The following LUZP2 variants were observed in gnomAD, a reference collection of about 807,000 sequenced individuals.
LUZP2 encodes the protein leucine zipper protein 2.
A neutral mutation model predicts 51.6 loss-of-function variants in LUZP2; 52 were observed. The ratio of observed to expected loss-of-function variants is 1.01; its 90% CI spans 0.81 to 1.27. The LOEUF is 1.27. LUZP2 is among the 50% of genes most tolerant of loss of function. The pLI is 0.00. For synonymous variants in LUZP2, 154 were observed against 137.3 expected (o/e 1.12, Z -0.85); for missense variants, 436 against 395.4 (o/e 1.10, Z -0.87).
intron 7 of LUZP2, among the ~76,000 whole-genome samples, chr11:24,936,309 G>T (rs1275045389): frequency 1.3e-5 from 2 of 152,090 alleles, no homozygotes; most frequent in Non-Finnish European, 2.9e-5. Context: ...TTAAAGAAAA[G>T]ATTTATGGTA....
At chr11:24,533,136 T>C (rs1341882776) in intron 1 of LUZP2, among the ~76,000 whole-genome samples, 1 of 151,244 alleles carries the variant, frequency 6.6e-6, no homozygotes, top group Non-Finnish European at 1.5e-5. Context: ...CTCAATGATT[T>C]TCTCCTGTCT....
At chr11:24,740,517 G>T (rs1295608064) in intron 4 of LUZP2, among the ~76,000 whole-genome samples, 2 of 152,062 alleles carry the variant, frequency 1.3e-5, no homozygotes, top group Non-Finnish European at 1.5e-5. Context: ...CTTAATATGT[G>T]CTTCAGAGTA....
Position 24,928,606 on chromosome 11 carries a change from T to G in LUZP2, c.522+14068T>G, listed in dbSNP as rs142006408. ...AGTTTGTCATGGTGGATTATCTTTT[T>G]GAAATACTGTTGGATTTTGTTAGCT... On this transcript the variant is annotated intron_variant, in intron 7 of 11. Coordinates refer to ENST00000336930, the MANE Select transcript of LUZP2 (RefSeq NM_001009909.4). 4.6e-5 allele frequency among the ~76,000 whole-genome samples: 7 copies of G among 152,264 alleles called. No individual in the cohort carries two copies. The East Asian group carries it at 1.4e-3, about 29-fold the overall frequency.
intron 1 of LUZP2, among the ~76,000 whole-genome samples, chr11:24,497,721 T>C (rs965518302): frequency 3.3e-5 from 5 of 152,290 alleles, no homozygotes; most frequent in Non-Finnish European, 7.4e-5. Flanking sequence ...TTCCCCCAAG[T>C]GTGCCTGATT....
intron 5 of LUZP2, among the ~76,000 whole-genome samples, chr11:24,805,302 G>T (rs936424176): frequency 3.5e-4 from 53 of 152,042 alleles, no homozygotes; most frequent in Non-Finnish European, 1.0e-4. Flanking sequence ...CCAGCCCCAT[G>T]ATTCAATTAC....
chr11:24,764,003 C>G (rs1344158246), intron 5 of LUZP2, among the ~76,000 whole-genome samples: 1 of 152,138 alleles, frequency 6.6e-6, no homozygotes, highest in Admixed American at 6.6e-5. Flanking sequence ...AAAATATCAA[C>G]ATACCAGAGT....
chr11:24,660,063 T>A (rs999993944), intron 1 of LUZP2, among the ~76,000 whole-genome samples: 1 of 151,820 alleles, frequency 6.6e-6, no homozygotes, highest in Non-Finnish European at 1.5e-5. Context: ...GTTCAGAGAG[T>A]GGAAGCAGCA....
chr11:24,900,337 A>G lies in LUZP2; in HGVS notation c.397-5654A>G, dbSNP rs112555545. Among the ~76,000 whole-genome samples the G allele has an allele frequency of 5.2e-3, 790 of 152,156 alleles. 11 individuals are homozygous for G. The highest frequency in any genetic ancestry group is 0.027 in the Middle Eastern group (8 of 294). On this transcript the variant is annotated intron_variant, in intron 5 of 11. Transcript: ENST00000336930. ...AATATCTTAGTGGTTAAGTCTTTCC[A>G]TTCTGGCTTGTTGGAAATTGAATGT...
At chr11:24,617,421 T>A (rs193006722) in intron 1 of LUZP2, among the ~76,000 whole-genome samples, 186 of 152,364 alleles carry the variant, frequency 1.2e-3, no homozygotes, top group Non-Finnish European at 1.5e-3. Flanking sequence ...TTAAAATCTT[T>A]GTGAGATATT....
intron 7 of LUZP2, among the ~76,000 whole-genome samples, chr11:24,959,026 G>A (rs1311468131): frequency 2.0e-5 from 3 of 152,050 alleles, no homozygotes; most frequent in African/African-American, 7.2e-5. Context: ...TTTCCCCATT[G>A]CTTGTTTTTC....
Position 24,914,538 on chromosome 11 carries a change from G to A in LUZP2, c.522G>A (p.Lys174=), listed in dbSNP as rs1156720276. 6.2e-7 allele frequency: 1 copy of A among 1,600,222 alleles called. No individual in the cohort carries two copies. Among genetic ancestry groups the A allele is most frequent in the Non-Finnish European group, 8.5e-7 (1 of 1,174,292 alleles). Residue 174 remains lysine, a splice_region_variant and synonymous_variant, in exon 7 of 12, where the codon AAG becomes AAA. Transcript: ENST00000336930. ...ATGGGAAGAAGGATTTATTATTTAA[G>A]GTGAGTCTCTTTTCTCTCTTTTCCC... is the stretch of plus-strand genomic sequence containing the variant. The part of the protein sequence containing the change: ...LRYGKKDLLF[K]AQQLTDLEQK...
chr11:24,653,606 C>A (rs1479806254), intron 1 of LUZP2, among the ~76,000 whole-genome samples: 1 of 152,102 alleles, frequency 6.6e-6, no homozygotes, highest in Non-Finnish European at 1.5e-5. Context: ...TTGAGATAGT[C>A]TAGAGCATAA....
At chr11:24,615,849 T>G (rs1389258782) in intron 1 of LUZP2, among the ~76,000 whole-genome samples, 1 of 151,016 alleles carries the variant, frequency 6.6e-6, no homozygotes. Context: ...ATATATAATA[T>G]TTCAGTCATT....
rs113874130 is a variant in LUZP2 at position 24,713,090 on chromosome 11, C to T, written c.63-16079C>T. 4.5e-3 allele frequency among the ~76,000 whole-genome samples: 687 copies of T among 152,226 alleles called. 5 individuals are homozygous for T. Among genetic ancestry groups the T allele is most frequent in the African/African-American group, 0.016 (659 of 41,524 alleles). ...GTCTCTGGGAGATTCTCTTAGTTTG[C>T]ATTAGCAGACCTTGAAAGAAAAATA... On this transcript the variant is annotated intron_variant, in intron 1 of 11. Coordinates refer to ENST00000336930, the MANE Select transcript of LUZP2 (RefSeq NM_001009909.4).
intron 5 of LUZP2, among the ~76,000 whole-genome samples, chr11:24,863,137 G>T (rs1456990361): frequency 6.6e-6 from 1 of 152,120 alleles, no homozygotes; most frequent in Admixed American, 6.6e-5. Flanking sequence ...TTGGAGAATA[G>T]TTCCTCTGTT....
At chr11:24,793,850 T>C (rs903378876) in intron 5 of LUZP2, among the ~76,000 whole-genome samples, 2 of 152,168 alleles carry the variant, frequency 1.3e-5, no homozygotes, top group Non-Finnish European at 2.9e-5. Context: ...AGTGGTTTTA[T>C]CTTTTTCAAA....
chr11:24,682,045 A>T (rs1856752240), intron 1 of LUZP2, among the ~76,000 whole-genome samples: 1 of 152,238 alleles, frequency 6.6e-6, no homozygotes, highest in Non-Finnish European at 1.5e-5. Context: ...CATTTTAAAA[A>T]GTTTATCTCA....
intron 3 of LUZP2, among the ~76,000 whole-genome samples, chr11:24,732,895 T>C (rs1275358889): frequency 6.6e-6 from 1 of 151,724 alleles, no homozygotes; most frequent in Non-Finnish European, 1.5e-5. Flanking sequence ...AGATGGCAAA[T>C]TGTTGCTCAG....
At chr11:24,847,963 T>G (rs930396620) in intron 5 of LUZP2, among the ~76,000 whole-genome samples, 20 of 152,288 alleles carry the variant, frequency 1.3e-4, no homozygotes, top group African/African-American at 3.8e-4. Flanking sequence ...GCTATTGTAT[T>G]TAGAATACTC....
Sources: allele counts gnomAD v4.1 joint callset (sites outside exome capture counted in the v4.1 genomes callset), GRCh38; gene constraint gnomAD v4.1.1; transcripts MANE v1.5; gene names NCBI Gene and HGNC (gene_info 2026-07-23, HGNC 2026-07-21).